FOCAD: variants seen among roughly 807,000 people sequenced by gnomAD.
FOCAD encodes the protein KIAA1797.
A neutral mutation model predicts 225.6 loss-of-function variants in FOCAD; 198 were observed. The observed-to-expected ratio is 0.88, with a 90% CI of 0.78 to 0.99. The LOEUF (loss-of-function observed/expected upper bound fraction) is 0.99, where lower values mean the gene tolerates loss of function less well. FOCAD is among the 50% of genes least tolerant of loss of function. FOCAD has a pLI of 0.00. For synonymous variants in FOCAD, 897 were observed against 755.0 expected (o/e 1.19, Z -3.08); for missense variants, 2,713 against 2,123.6 (o/e 1.28, Z -5.46).
chr9:20,787,748 T>G (rs969282603), intron 10 of FOCAD, among the ~76,000 whole-genome samples: 7 of 150,622 alleles, frequency 4.6e-5, no homozygotes, highest in Admixed American at 2.0e-4. Flanking sequence ...TTCTTCTGTA[T>G]TTGTCCACAT....
chr9:20,850,172 T>G (rs1827511933), intron 15 of FOCAD, among the ~76,000 whole-genome samples: 1 of 151,774 alleles, frequency 6.6e-6, no homozygotes, highest in African/African-American at 2.4e-5. Context: ...ATTTATAAAG[T>G]TATTTTTGTT....
chr9:20,715,325 C>T lies in FOCAD; in HGVS notation c.-29C>T. On this transcript the variant is annotated 5_prime_UTR_variant, in exon 2 of 44. Transcript: ENST00000338382. ...TATTCTTTTGTTTTGGTTACAGAAG[C>T]TGCACACATACATGTAAGAGAAGCA... The T allele has an allele frequency of 6.8e-7, 1 of 1,463,454 alleles. No homozygotes were observed. Among genetic ancestry groups the T allele is most frequent in the South Asian group, 1.5e-5 (1 of 64,552 alleles). The allele number at this position is 1,463,454 out of a possible 1,614,324, so 90.7% of individuals were successfully genotyped here.
At chr9:20,660,477 T>G (rs1024386570) in intron 2 of FOCAD, among the ~76,000 whole-genome samples, 3 of 152,156 alleles carry the variant, frequency 2.0e-5, no homozygotes, top group African/African-American at 7.2e-5. Context: ...GTAGTTAAAA[T>G]TATGGAAAAA....
chr9:20,774,357 A>G (rs1818546243), intron 8 of FOCAD, among the ~76,000 whole-genome samples: 1 of 152,248 alleles, frequency 6.6e-6, no homozygotes, highest in Non-Finnish European at 1.5e-5. Context: ...TCTTTTTATG[A>G]TGTTAGTAGT....
chr9:20,770,259 T>C (rs771872098), intron 8 of FOCAD, 21 bp downstream of exon 8: 1 of 1,591,840 alleles, frequency 6.3e-7, no homozygotes, highest in Non-Finnish European at 8.6e-7. Flanking sequence ...TAGTATATTA[T>C]ACTGTTCATG....
chr9:20,968,481 G>A (rs1307571466), intron 35 of FOCAD, among the ~76,000 whole-genome samples: 8 of 107,728 alleles, frequency 7.4e-5, no homozygotes, highest in East Asian at 3.2e-4. Context: ...TTGCTGTGTC[G>A]CCCAGGCTGG....
intron 4 of FOCAD, among the ~76,000 whole-genome samples, chr9:20,734,783 T>C (rs1237750574): frequency 3.3e-5 from 5 of 152,204 alleles, no homozygotes; most frequent in Admixed American, 2.6e-4. Flanking sequence ...TAGCTGGGAC[T>C]ACAGGCTCAT....
intron 15 of FOCAD, among the ~76,000 whole-genome samples, chr9:20,825,146 CGTGT>C (rs10562859): frequency 0.026 from 3,568 of 139,034 alleles, 98 homozygotes; most frequent in African/African-American, 0.068. Flanking sequence ...TCAAGCTTTG[CGTGT>C]GTGTGTGTGT....
At chr9:20,992,683 G>A (rs980297960) in intron 42 of FOCAD, among the ~76,000 whole-genome samples, 3 of 152,176 alleles carry the variant, frequency 2.0e-5, no homozygotes, top group Non-Finnish European at 4.4e-5. Flanking sequence ...TCAGCAGCCA[G>A]GCATGGTGGC....
intron 10 of FOCAD, among the ~76,000 whole-genome samples, chr9:20,787,351 A>G (rs1444824092): frequency 1.3e-5 from 2 of 152,194 alleles, no homozygotes; most frequent in African/African-American, 4.8e-5. Context: ...AGATATTATA[A>G]CCTAAGCAGG....
At chr9:20,960,495 C>T (rs965890578) in intron 35 of FOCAD, among the ~76,000 whole-genome samples, 3 of 152,018 alleles carry the variant, frequency 2.0e-5, no homozygotes, top group Non-Finnish European at 2.9e-5. Context: ...CTATTTTCAC[C>T]GATTAGTTTT....
intron 42 of FOCAD, 109 bp downstream of exon 42, chr9:20,990,483 A>C: frequency 7.5e-7 from 1 of 1,332,760 alleles, no homozygotes; most frequent in Non-Finnish European, 1.0e-6. Context: ...CACACCACAG[A>C]CTTTCCTACC....
At chr9:20,822,093 T>G (rs1248072115) in intron 14 of FOCAD, among the ~76,000 whole-genome samples, 1 of 150,640 alleles carries the variant, frequency 6.6e-6, no homozygotes, top group East Asian at 2.0e-4. Flanking sequence ...GGAAAAAAAT[T>G]CAGAGATAAA....
rs758356999 is a variant in FOCAD, at chr9:20,823,012, T to G, written c.1817T>G (p.Met606Arg). The G allele has an allele frequency of 1.2e-6, 2 of 1,605,582 alleles. No individual in the cohort carries two copies. Among genetic ancestry groups the G allele is most frequent in the Non-Finnish European group, 1.7e-6 (2 of 1,177,260 alleles). The change falls in exon 15 of 44, where the codon ATG becomes AGG. Residue 606 changes from methionine to arginine, a missense_variant. Transcript: ENST00000338382. Reference sequence around the variant, plus strand: ...AGGCCATATCAACATGGTGCAGATATGTTGGCAGCTATTTCTCAAGTGTTG... The same window carrying G: ...AGGCCATATCAACATGGTGCAGATAGGTTGGCAGCTATTTCTCAAGTGTTG... ...KQRPYQHGAD[M>R]LAAISQVLNE... is the part of the protein sequence containing the mutation.
intron 1 of FOCAD, among the ~76,000 whole-genome samples, chr9:20,688,293 G>T (rs1587222858): frequency 6.6e-6 from 1 of 152,212 alleles, no homozygotes; most frequent in Non-Finnish European, 1.5e-5. Context: ...TGCTGCTGGA[G>T]AGAAGAGGAT....
Position 20,953,016 on chromosome 9 carries a change from C to T in FOCAD, c.4083C>T (p.Ser1361=). 1 of 1,613,550 alleles carries T rather than the reference C, an allele frequency of 6.2e-7. No individual in the cohort carries two copies. Among genetic ancestry groups the T allele is most frequent in the South Asian group, 1.1e-5 (1 of 91,030 alleles). The change falls in exon 35 of 44, where the codon AGC becomes AGT. Residue 1361 remains serine, a synonymous_variant. Transcript: ENST00000338382. ...CTGACTATAGCTACTTGCCTGAAAG[C>T]AGTTTTATTGGAGCAGCTATTGGCT... The part of the protein sequence containing the change: ...VPTDYSYLPE[S]SFIGAAIGFF...
intron 11 of FOCAD, among the ~76,000 whole-genome samples, chr9:20,811,542 G>C (rs1823077348): frequency 6.6e-6 from 1 of 151,896 alleles, no homozygotes; most frequent in South Asian, 2.1e-4. Context: ...ACTCTTAAAG[G>C]TTAAACTTCA....
rs144754532 is a variant in FOCAD, at chr9:20,696,928, G to T, written c.-33+12635G>T. ...TGAGATTGGTGCCAATGTAAAAGTC[G>T]GTCCTCTCCTGCCCTCTGTCTCTTT... is the stretch of plus-strand genomic sequence containing the variant. On this transcript the variant is annotated intron_variant, in intron 1 of 43. Transcript: ENST00000338382. 3.2e-3 allele frequency among the ~76,000 whole-genome samples: 492 copies of T among 152,200 alleles called. 3 individuals are homozygous for T. Among genetic ancestry groups the T allele is most frequent in the Middle Eastern group, 6.8e-3 (2 of 294 alleles).
chr9:20,800,461 T>C (rs1463474308), intron 11 of FOCAD, among the ~76,000 whole-genome samples: 1 of 152,144 alleles, frequency 6.6e-6, no homozygotes, highest in Non-Finnish European at 1.5e-5. Context: ...TTGGTTCCAT[T>C]CTCCCCATCA....
Sources: allele counts gnomAD v4.1 joint callset (sites outside exome capture counted in the v4.1 genomes callset), GRCh38; gene constraint gnomAD v4.1.1; transcripts MANE v1.5; gene names NCBI Gene and HGNC (gene_info 2026-07-23, HGNC 2026-07-21).